LSR: variants seen among roughly 807,000 people sequenced by gnomAD.
LSR encodes the protein lipolysis stimulated lipoprotein receptor, also known as lipolysis-stimulated lipoprotein receptor.
Under a neutral mutation model 61.8 loss-of-function variants are expected in LSR, and 44 were observed. The observed-to-expected ratio is 0.71, with a 90% CI of 0.56 to 0.91. The LOEUF is 0.91. Among genes scored for constraint, LSR ranks in the 40% least tolerant of loss-of-function variants. The pLI is 0.00. For missense variants in LSR, 911 were observed against 830.5 expected, an observed-to-expected ratio of 1.10 and a Z score of -1.19; for synonymous variants, 397 against 350.6, an observed-to-expected ratio of 1.13 and a Z score of -1.48.
At position 35,250,455 on chromosome 19, in the gene LSR, T is replaced by A; in HGVS notation, c.250T>A (p.Cys84Ser). The change falls in exon 2 of 10, where the codon TGC (cysteine) becomes AGC (serine). Residue 84 changes from cysteine (C) to serine (S), a missense_variant. Cys to Ser is a moderately radical substitution (Grantham distance 112). Transcript: ENST00000605618. ...CGTCATCTGGAAGTACAAGTCTTTC[T>A]GCCGGGACCGCATCGCCGATGCCTT... ...PIVIWKYKSFCRDRIADAFSP... is the reference protein window; with the variant it reads ...PIVIWKYKSFSRDRIADAFSP... The A allele has an allele frequency of 6.2e-7, 1 of 1,614,092 alleles. No individual in the cohort carries two copies. The highest frequency in any genetic ancestry group is 8.5e-7 in the Non-Finnish European group (1 of 1,179,986).
At chr19:35,260,291 C>CTT (rs66534837) in intron 3 of LSR, among the ~76,000 whole-genome samples, 3,504 of 113,970 alleles carry the variant, frequency 0.031, 206 homozygotes, top group East Asian at 0.096. Context: ...GGAGATTTTC[C>CTT]TTTTTTTTTT....
At chr19:35,256,725 TGAATGAAAGAAA>T (rs55964135) in intron 2 of LSR, among the ~76,000 whole-genome samples, 17,732 of 148,186 alleles carry the variant, frequency 0.12, 1,260 homozygotes, top group South Asian at 0.23. Context: ...AATGAATGAA[TGAATGAAAGAAA>T]GAAAGAAATG....
chr19:35,266,825 C>T lies in LSR; in HGVS notation c.1013-11C>T, dbSNP rs199988546. On this transcript the variant is annotated splice_polypyrimidine_tract_variant and intron_variant, in intron 7 of 9. Transcript: ENST00000605618. ...ATCCTCCCAAACCGACCACCACCCCCCTGTCCCTAGAAGTCCGCAGTGGCT... is the reference window on the plus strand; with the variant it reads ...ATCCTCCCAAACCGACCACCACCCCTCTGTCCCTAGAAGTCCGCAGTGGCT... The T allele has an allele frequency of 1.2e-6, 2 of 1,607,114 alleles. No individual in the cohort carries two copies. Among genetic ancestry groups the T allele is most frequent in the South Asian group, 1.1e-5 (1 of 89,996 alleles).
chr19:35,263,365 A>C (rs35959789), intron 5 of LSR, among the ~76,000 whole-genome samples: 25,017 of 151,700 alleles, frequency 0.16, 2,528 homozygotes, highest in Middle Eastern at 0.22. Flanking sequence ...AGCAAAAAAA[A>C]TTTTTTTTGT....
At chr19:35,262,284 T>C (rs904328512) in intron 4 of LSR, among the ~76,000 whole-genome samples, 2 of 152,120 alleles carry the variant, frequency 1.3e-5, no homozygotes, top group Non-Finnish European at 2.9e-5. Context: ...TGTCTCCCTC[T>C]GTGCAGGCTG....
chr19:35,262,476 T>C, intron 4 of LSR, 70 bp from the exon 5 acceptor site: 1 of 1,558,038 alleles, frequency 6.4e-7, no homozygotes. Context: ...CCGCACCATG[T>C]ACCCCTGCTG....
chr19:35,265,187 G>GT (rs1458943905), intron 5 of LSR, among the ~76,000 whole-genome samples: 1 of 152,116 alleles, frequency 6.6e-6, no homozygotes, highest in East Asian at 1.9e-4. Context: ...TTTTTGCTCA[G>GT]TGAGTAAGTG....
chr19:35,261,846 C>G, intron 3 of LSR, 79 bp from the exon 4 acceptor site: 1 of 1,036,770 alleles, frequency 9.6e-7, no homozygotes, highest in Non-Finnish European at 1.3e-6. Context: ...ACTTGGCCAG[C>G]CTGGAGCTGG....
chr19:35,250,478 C>T lies in LSR; in HGVS notation c.273C>T (p.Ala91=), dbSNP rs1329987725. 6.2e-7 allele frequency: 1 copy of T among 1,614,124 alleles called. No individual in the cohort carries two copies. The highest frequency in any genetic ancestry group is 1.7e-5 in the Admixed American group (1 of 60,020). Residue 91 remains alanine, a synonymous_variant, in exon 2 of 10, where the codon GCC becomes GCT. Coordinates refer to ENST00000605618, the MANE Select transcript of LSR (RefSeq NM_205834.4). The part of the protein sequence containing the change: ...KSFCRDRIAD[A]FSPASVDNQL... Reference sequence around the variant, plus strand: ...TCTGCCGGGACCGCATCGCCGATGCCTTCTCCCCGGCCAGCGTCGACAACC... The same window carrying T: ...TCTGCCGGGACCGCATCGCCGATGCTTTCTCCCCGGCCAGCGTCGACAACC...
At chr19:35,254,805 G>T (rs1436840447) in intron 2 of LSR, among the ~76,000 whole-genome samples, 1 of 152,206 alleles carries the variant, frequency 6.6e-6, no homozygotes, top group Non-Finnish European at 1.5e-5. Flanking sequence ...CCTGCAGGAA[G>T]AAGGTGTGCC....
intron 2 of LSR, 132 bp downstream of exon 2, chr19:35,250,791 A>C (rs1204911671): frequency 8.3e-6 from 5 of 599,088 alleles, no homozygotes; most frequent in Non-Finnish European, 1.1e-5. Flanking sequence ...TGAAGGGAGC[A>C]ATTCTTTTTT....
chr19:35,250,538 C>A lies in LSR; in HGVS notation c.333C>A (p.Gly111=), dbSNP rs1322895300. 8 of 1,614,054 alleles carry A rather than the reference C, an allele frequency of 5.0e-6. No homozygotes were observed. Among genetic ancestry groups the A allele is most frequent in the South Asian group, 3.3e-5 (3 of 91,086 alleles). Residue 111 remains glycine, a synonymous_variant, in exon 2 of 10, where the codon GGC becomes GGA. Transcript: ENST00000605618. ...LNAQLAAGNP[G]YNPYVECQDS... is the part of the protein sequence containing the mutation. ...CCCAGCTGGCAGCCGGGAACCCAGG[C>A]TACAACCCCTACGTTGAGTGCCAGG...
Position 35,267,693 on chromosome 19 carries a change from G to A in LSR, c.1729G>A (p.Glu577Lys). The change falls in exon 9 of 10, where the codon GAG becomes AAG. Residue 577 changes from glutamate to lysine, a missense_variant. Physicochemically the swap from Glu to Lys is moderately conservative, Grantham distance 56. Transcript: ENST00000605618. The part of the protein sequence containing the change: ...YYPPAPPPYS[E>K]TDSQASRERR... ...CCCGCCCGCGCCGCCCCCGTACTCG[G>A]AGACCGACTCGCAGGCGTCCCGAGA... is the stretch of plus-strand genomic sequence containing the variant. 6.2e-7 allele frequency: 1 copy of A among 1,603,596 alleles called. No individual in the cohort carries two copies. The highest frequency in any genetic ancestry group is 8.5e-7 in the Non-Finnish European group (1 of 1,175,724).
At chr19:35,250,064 A>G (rs891895386) in intron 1 of LSR, among the ~76,000 whole-genome samples, 3 of 152,088 alleles carry the variant, frequency 2.0e-5, no homozygotes, top group African/African-American at 7.2e-5. Context: ...ACAGGCTGGG[A>G]AGAGGGATGG....
chr19:35,258,858 G>T (rs2065888148), intron 2 of LSR, 87 bp from the exon 3 acceptor site: 7 of 1,548,508 alleles, frequency 4.5e-6, no homozygotes, highest in Non-Finnish European at 6.2e-6. Context: ...GCCCCCTCCT[G>T]GGTGTGCTGG....
At chr19:35,254,482 C>A (rs1170031609) in intron 2 of LSR, among the ~76,000 whole-genome samples, 1 of 152,218 alleles carries the variant, frequency 6.6e-6, no homozygotes, top group Non-Finnish European at 1.5e-5. Flanking sequence ...GGCTCATTCC[C>A]TGCTTTGTCC....
intron 2 of LSR, among the ~76,000 whole-genome samples, chr19:35,252,171 G>A (rs1354314983): frequency 6.6e-6 from 1 of 152,108 alleles, no homozygotes; most frequent in African/African-American, 2.4e-5. Context: ...CTGATAGGAT[G>A]TGCCTGTTGG....
chr19:35,255,738 C>T (rs764600051), intron 2 of LSR, among the ~76,000 whole-genome samples: 5 of 152,298 alleles, frequency 3.3e-5, no homozygotes, highest in Middle Eastern at 6.8e-3. Context: ...GCACAGCCCC[C>T]ACTCCACGCC....
rs767235161 is a variant in LSR at position 35,267,532 on chromosome 19, C to A, written c.1568C>A (p.Thr523Asn). The A allele has an allele frequency of 1.9e-6, 3 of 1,612,320 alleles. No individual in the cohort carries two copies. The highest frequency in any genetic ancestry group is 3.3e-5 in the Admixed American group (2 of 59,952). ...PADPRSHHHR[T>N]RDPRDNGSRS... ...GACCCCAGGTCCCACCACCACCGTA[C>A]CCGGGACCCTCGGGACAACGGCTCC... Residue 523 changes from threonine to asparagine, a missense_variant, in exon 9 of 10, where the codon ACC (threonine) becomes AAC (asparagine). Transcript: ENST00000605618.
Sources: allele counts gnomAD v4.1 joint callset (sites outside exome capture counted in the v4.1 genomes callset), GRCh38; gene constraint gnomAD v4.1.1; transcripts MANE v1.5; gene names NCBI Gene and HGNC (gene_info 2026-07-23, HGNC 2026-07-21).